ELFN2: variants seen among roughly 807,000 people sequenced by gnomAD.
ELFN2 encodes the protein protein phosphatase 1 regulatory subunit 29.
Under a neutral mutation model 45.5 loss-of-function variants are expected in ELFN2, and 17 were observed. That is an observed-to-expected ratio of 0.37 (90% CI 0.26 to 0.56). ELFN2 has a LOEUF of 0.56. Ranked by LOEUF, ELFN2 falls within the 20% of genes least tolerant of loss-of-function variation. The pLI, the probability that ELFN2 is intolerant of heterozygous loss-of-function variation, is 0.77. For synonymous variants in ELFN2, 550 were observed against 551.5 expected (o/e 1.00, Z 0.04); for missense variants, 922 against 1,183.2 (o/e 0.78, Z 3.24).
intron 1 of ELFN2, among the ~76,000 whole-genome samples, chr22:37,355,895 G>A (rs1200729141): frequency 6.6e-6 from 1 of 152,218 alleles, no homozygotes; most frequent in Admixed American, 6.5e-5. Context: ...AAATTGACGT[G>A]AGAGTGTTCA....
At chr22:37,402,784 G>A (rs1174988224) in intron 2 of ELFN2, among the ~76,000 whole-genome samples, 1 of 152,156 alleles carries the variant, frequency 6.6e-6, no homozygotes, top group Non-Finnish European at 1.5e-5. Context: ...TGGGTCCCAG[G>A]ACCAGGCAGG....
intron 1 of ELFN2, among the ~76,000 whole-genome samples, chr22:37,344,950 G>T (rs868016935): frequency 6.6e-6 from 1 of 152,088 alleles, no homozygotes; most frequent in South Asian, 2.1e-4. Context: ...GGCCCTCCCC[G>T]TTCTCTTCCC....
In ELFN2 at chr22:37,372,346, G is replaced by C. The variant is rs1931391004; in HGVS notation, c.*726C>G. On this transcript the variant is annotated 3_prime_UTR_variant, in exon 3 of 3. Coordinates refer to ENST00000402918, the MANE Select transcript of ELFN2 (RefSeq NM_052906.5). This position sits in a 1 kb window ranked among gnomAD's most constrained non-coding sequence, Gnocchi z 4.4. ...GCACTGCCATGTGGCTTTCTAGGAA[G>C]AAAAAGCACCTGCCTGATTCCCAAG... 1 of 152,360 alleles carries C rather than the reference G, an allele frequency of 6.6e-6. No individual in the cohort carries two copies. Among genetic ancestry groups the C allele is most frequent in the Non-Finnish European group, 1.5e-5 (1 of 68,058 alleles). 9.4% of individuals were successfully genotyped at this position (152,360 alleles called of 1,614,324 possible).
chr22:37,416,768 A>G (rs1425458064), intron 2 of ELFN2, among the ~76,000 whole-genome samples: 1 of 149,792 alleles, frequency 6.7e-6, no homozygotes, highest in Non-Finnish European at 1.5e-5. Flanking sequence ...CCCCTGCAGC[A>G]GCCCTTCCCC....
In ELFN2 at chr22:37,421,612, G is replaced by A. The variant is rs569091439; in HGVS notation, c.-613-3693C>T. ...CTCTGCCAGGCAGGGGCTCCTCTCT[G>A]GGGGTTCCTGCCTGAGCCCCGGGGC... On this transcript the variant is annotated intron_variant, in intron 1 of 2. Coordinates refer to ENST00000402918, the MANE Select transcript of ELFN2 (RefSeq NM_052906.5). Among the ~76,000 whole-genome samples the A allele has an allele frequency of 1.3e-3, 191 of 152,196 alleles. 1 individual carries two copies. Among genetic ancestry groups the A allele is most frequent in the Non-Finnish European group, 1.8e-3 (125 of 68,036 alleles).
chr22:37,365,065 T>G (rs371149638), downstream of ELFN2, among the ~76,000 whole-genome samples: 1 of 152,086 alleles, frequency 6.6e-6, no homozygotes, highest in South Asian at 2.1e-4. Flanking sequence ...AGAGAACCAG[T>G]GGGTCCCACA....
At position 37,373,089 on chromosome 22, in the gene ELFN2, C is replaced by A; in HGVS notation, c.2446G>T (p.Ala816Ser). The A allele has an allele frequency of 6.3e-7, 1 of 1,598,086 alleles. No individual in the cohort carries two copies. The highest frequency in any genetic ancestry group is 8.6e-7 in the Non-Finnish European group (1 of 1,168,780). ...DILDYWKGVSAQQKL is the reference protein window; with the variant it reads ...DILDYWKGVSSQQKL ...GGGGGGGGTCACAGCTTCTGCTGGG[C>A]GGAGACCCCCTTCCAGTAATCAAGG... Residue 816 changes from alanine (A) to serine (S), a missense_variant, in exon 3 of 3, where the codon GCC becomes TCC. Transcript: ENST00000402918.
intron 1 of ELFN2, among the ~76,000 whole-genome samples, chr22:37,423,257 AC>A (rs1932823935): frequency 6.6e-6 from 1 of 152,070 alleles, no homozygotes; most frequent in African/African-American, 2.4e-5. Flanking sequence ...TGCAGGCACC[AC>A]CCACGAGGCC....
At chr22:37,408,017 G>A (rs1008259447) in intron 2 of ELFN2, among the ~76,000 whole-genome samples, 6 of 152,168 alleles carry the variant, frequency 3.9e-5, no homozygotes, top group East Asian at 1.9e-4. Flanking sequence ...TGCACACAGC[G>A]CGGGAGCTGG....
intron 1 of ELFN2, among the ~76,000 whole-genome samples, chr22:37,361,841 G>A (rs1226756657): frequency 6.6e-6 from 1 of 152,136 alleles, no homozygotes; most frequent in African/African-American, 2.4e-5. Flanking sequence ...CCTAAATGTG[G>A]TGGCCTATGG....
At chr22:37,343,991 G>A (rs1930627353) in intron 1 of ELFN2, among the ~76,000 whole-genome samples, 2 of 149,586 alleles carry the variant, frequency 1.3e-5, no homozygotes, top group Non-Finnish European at 3.0e-5. Context: ...AGCACTGCTC[G>A]CCCACCTGCC....
chr22:37,395,605 G>C (rs1470441567), intron 2 of ELFN2, among the ~76,000 whole-genome samples: 2 of 152,164 alleles, frequency 1.3e-5, no homozygotes, highest in African/African-American at 4.8e-5. Context: ...CTCTGTGGCA[G>C]CCAGGAGCTG....
chr22:37,412,551 C>A (rs1161163923), intron 2 of ELFN2, among the ~76,000 whole-genome samples: 1 of 152,154 alleles, frequency 6.6e-6, no homozygotes, highest in African/African-American at 2.4e-5. Context: ...CCCCTCCTCT[C>A]CCTTCTTCCT....
At chr22:37,361,502 C>A (rs1374067180) in intron 1 of ELFN2, among the ~76,000 whole-genome samples, 1 of 152,060 alleles carries the variant, frequency 6.6e-6, no homozygotes, top group Non-Finnish European at 1.5e-5. Flanking sequence ...CTGTGAGCAG[C>A]CTTCCAAGCC....
rs1433451638 is a variant in ELFN2 at position 37,371,714 on chromosome 22, G to A, written c.*1358C>T. 1 of 152,640 alleles carries A rather than the reference G, an allele frequency of 6.6e-6. No homozygotes were observed. Among genetic ancestry groups the A allele is most frequent in the East Asian group, 1.9e-4 (1 of 5,192 alleles). The allele number at this position is 152,640 out of a possible 1,614,324, so 9.5% of individuals were successfully genotyped here. A position where few individuals can be genotyped will look rare whatever the true frequency, so the allele number is the denominator to read the frequency against. ...CAGGGTTACCATGGTGACAGAGGCT[G>A]GCTGGGAGGGGCTGGGGCGCCACGA... is the stretch of plus-strand genomic sequence containing the variant. On this transcript the variant is annotated 3_prime_UTR_variant, in exon 3 of 3. Coordinates refer to ENST00000402918, the MANE Select transcript of ELFN2 (RefSeq NM_052906.5). This position sits in a 1 kb window ranked among gnomAD's most constrained non-coding sequence, Gnocchi z 6.4.
At position 37,345,084 on chromosome 22, in the gene ELFN2, C is replaced by A. The variant is rs56144731; in HGVS notation, n.149-2381G>T. On this transcript the variant is annotated intron_variant and non_coding_transcript_variant, in intron 1 of 2. Coordinates refer to ENST00000452946, the Ensembl canonical transcript of ELFN2. ...GGGTCCCACTGCACCAGGCACTGCCCCCATCACAGATGTCCACTTGGCCCA... is the reference window on the plus strand; with the variant it reads ...GGGTCCCACTGCACCAGGCACTGCCACCATCACAGATGTCCACTTGGCCCA... Among the ~76,000 whole-genome samples the A allele has an allele frequency of 2.3e-3, 349 of 152,298 alleles. 2 individuals are homozygous for A. Among genetic ancestry groups the A allele is most frequent in the African/African-American group, 8.1e-3 (338 of 41,556 alleles).
intron 2 of ELFN2, among the ~76,000 whole-genome samples, chr22:37,415,790 A>G (rs9610747): frequency 0.068 from 10,287 of 152,196 alleles, 493 homozygotes; most frequent in African/African-American, 0.13. Context: ...GTGAAACTCC[A>G]TCTCTACTAA....
intron 2 of ELFN2, among the ~76,000 whole-genome samples, chr22:37,394,346 C>G (rs1327795707): frequency 6.6e-6 from 1 of 152,166 alleles, no homozygotes; most frequent in African/African-American, 2.4e-5. Flanking sequence ...CGGGTGCTGT[C>G]TTTTATGGAC....
At chr22:37,400,612 G>C (rs1006926678) in intron 2 of ELFN2, among the ~76,000 whole-genome samples, 1 of 152,176 alleles carries the variant, frequency 6.6e-6, no homozygotes, top group Non-Finnish European at 1.5e-5. Flanking sequence ...GGCCCCCTCA[G>C]CCTCCCCACC....
Sources: allele counts gnomAD v4.1 joint callset (sites outside exome capture counted in the v4.1 genomes callset), GRCh38; gene constraint gnomAD v4.1.1; non-coding constraint Gnocchi (gnomAD v3.1); transcripts MANE v1.5; gene names NCBI Gene and HGNC (gene_info 2026-07-23, HGNC 2026-07-21).